The following ID4 variants were observed in gnomAD, a reference collection of about 807,000 sequenced individuals.
ID4 encodes the protein inhibitor of DNA binding 4.
In ID4, 9 loss-of-function variants were observed where a neutral mutation model predicts 8.6. The ratio of observed to expected loss-of-function variants is 1.04; its 90% CI spans 0.63 to 1.82. The LOEUF is 1.82. Among genes scored for constraint, ID4 ranks in the 40% most tolerant of loss-of-function variants. The pLI is 0.00. For synonymous variants in ID4, 180 were observed against 118.0 expected (o/e 1.53, Z -3.41); for missense variants, 270 against 235.1 (o/e 1.15, Z -0.97).
At position 19,838,164 on chromosome 6, in the gene ID4, G is replaced by A. The variant is rs1445373846; in HGVS notation, c.410G>A (p.Arg137Gln). 2 of 1,507,670 alleles carry A rather than the reference G, an allele frequency of 1.3e-6. No individual in the cohort carries two copies. The highest frequency in any genetic ancestry group is 2.7e-5 in the East Asian group (1 of 37,488). The allele number at this position is 1,507,670 out of a possible 1,614,324, so 93.4% of individuals were successfully genotyped here. A position where few individuals can be genotyped will look rare whatever the true frequency, so the allele number is the denominator to read the frequency against. Residue 137 changes from arginine to glutamine, a missense_variant, in exon 1 of 3, where the codon CGG becomes CAG. Transcript: ENST00000378700. ...GGGACCTGTCCAGCCGCGCCGCCGCGGACCCCGCTCACTGCGCTCAACACC... is the reference window on the plus strand; with the variant it reads ...GGGACCTGTCCAGCCGCGCCGCCGCAGACCCCGCTCACTGCGCTCAACACC... ...PAGTCPAAPP[R>Q]TPLTALNTDP...
Position 19,840,260 on chromosome 6 carries a change from G to C in ID4, c.*1065G>C, listed in dbSNP as rs892062516. 3 of 152,400 alleles carry C rather than the reference G, an allele frequency of 2.0e-5. No individual in the cohort carries two copies. The highest frequency in any genetic ancestry group is 1.5e-5 in the Non-Finnish European group (1 of 67,970). 9.4% of individuals were successfully genotyped at this position (152,400 alleles called of 1,614,324 possible). On this transcript the variant is annotated 3_prime_UTR_variant, in exon 3 of 3. Transcript: ENST00000378700. ...ATGCTTGGATCCTTAAGGAGTTTAC[G>C]AAATCTGCTGTTTTATCAAAGTGAA...
chr6:19,842,013 C>T lies in ID4; in HGVS notation c.*2818C>T, dbSNP rs1761367356. ...CAAAATCCTGACATCTCAGACATCTCAATGTTAAAGGAAGAAAAAAAATAC... is the reference window on the plus strand; with the variant it reads ...CAAAATCCTGACATCTCAGACATCTTAATGTTAAAGGAAGAAAAAAAATAC... On this transcript the variant is annotated 3_prime_UTR_variant, in exon 3 of 3. Coordinates refer to ENST00000378700, the MANE Select transcript of ID4 (RefSeq NM_001546.4). Among the ~76,000 whole-genome samples, 1 of 152,232 alleles carries T rather than the reference C, an allele frequency of 6.6e-6. No homozygotes were observed. The highest frequency in any genetic ancestry group is 1.9e-4 in the East Asian group (1 of 5,188).
Position 19,842,068 on chromosome 6 carries a change from G to C in ID4, c.*2873G>C, listed in dbSNP as rs1761368699. Among the ~76,000 whole-genome samples, 1 of 152,188 alleles carries C rather than the reference G, an allele frequency of 6.6e-6. No individual in the cohort carries two copies. Among genetic ancestry groups the C allele is most frequent in the Non-Finnish European group, 1.5e-5 (1 of 68,020 alleles). ...TCATTTCAAAGAACTAATATACTTT[G>C]ATATTGTGTAAACCTTACTCAAGTT... On this transcript the variant is annotated 3_prime_UTR_variant, in exon 3 of 3. Transcript: ENST00000378700.
rs1201888141 is a variant in ID4, at chr6:19,839,835, GTGTT to G, written c.*642_*645del. ...ATATTTTTTTGTAAATATTATGTGT[GTGTT>G]TTTTTTTAATCTATGGGAATATTTC... is the stretch of plus-strand genomic sequence containing the variant. On this transcript the variant is annotated 3_prime_UTR_variant, in exon 3 of 3. Transcript: ENST00000378700. 2.0e-5 allele frequency: 3 copies of G among 151,766 alleles called. No homozygotes were observed. The highest frequency in any genetic ancestry group is 2.9e-5 in the Non-Finnish European group (2 of 67,906). 9.4% of individuals were successfully genotyped at this position (151,766 alleles called of 1,614,324 possible).
rs776228384 is a variant in ID4 at position 19,838,064 on chromosome 6, C to T, written c.310C>T (p.Leu104=). The change falls in exon 1 of 3, where the codon CTG becomes TTG. Residue 104 remains leucine (L), a synonymous_variant. Coordinates refer to ENST00000378700, the MANE Select transcript of ID4 (RefSeq NM_001546.4). The part of the protein sequence containing the change: ...LQHVIDYILD[L]QLALETHPAL... ...GCACGTTATCGACTACATCCTGGAC[C>T]TGCAGCTGGCGCTGGAGACGCACCC... The T allele has an allele frequency of 3.1e-6, 5 of 1,606,964 alleles. No homozygotes were observed. Among genetic ancestry groups the T allele is most frequent in the Admixed American group, 1.7e-5 (1 of 59,406 alleles).
chr6:19,838,503 T>C (rs1048906461), intron 1 of ID4, 81 bp from the exon 2 acceptor site: 2 of 1,585,474 alleles, frequency 1.3e-6, no homozygotes, highest in East Asian at 4.5e-5. Context: ...CCAGCCTGAT[T>C]TCCGAGGACA....
chr6:19,837,414 G>A lies in ID4; in HGVS notation c.-341G>A, dbSNP rs1393543195. Reference sequence around the variant, plus strand: ...CGCGGTTGTGAGTAGTACCGGGAGTGGGGTGATCCCGGGCTAGGGGAGCGC... The same window carrying A: ...CGCGGTTGTGAGTAGTACCGGGAGTAGGGTGATCCCGGGCTAGGGGAGCGC... On this transcript the variant is annotated 5_prime_UTR_variant, in exon 1 of 3. Transcript: ENST00000378700. 1 of 154,690 alleles carries A rather than the reference G, an allele frequency of 6.5e-6. No individual in the cohort carries two copies. The highest frequency in any genetic ancestry group is 1.9e-4 in the East Asian group (1 of 5,264). 9.6% of individuals were successfully genotyped at this position (154,690 alleles called of 1,614,324 possible).
At chr6:19,838,879 G>GT in intron 2 of ID4, 3 of 554,916 alleles carry the variant, frequency 5.4e-6, no homozygotes, top group South Asian at 4.3e-5. Flanking sequence ...CCGTCCCCGT[G>GT]TTTTTTCTGG....
Position 19,837,698 on chromosome 6 carries a change from C to A in ID4, c.-57C>A. On this transcript the variant is annotated 5_prime_UTR_variant, in exon 1 of 3. Transcript: ENST00000378700. ...GGCCGCGGACGGGGCCCGGAGCTTG[C>A]CTGCCTCCCTCGCTCGCCCCAGCGG... 1 of 1,067,500 alleles carries A rather than the reference C, an allele frequency of 9.4e-7. No homozygotes were observed. The allele number at this position is 1,067,500 out of a possible 1,614,324, so 66.1% of individuals were successfully genotyped here.
Position 19,838,000 on chromosome 6 carries a change from C to T in ID4, c.246C>T (p.Ile82=), listed in dbSNP as rs752502746. 2 of 1,601,914 alleles carry T rather than the reference C, an allele frequency of 1.2e-6. No homozygotes were observed. The highest frequency in any genetic ancestry group is 2.3e-5 in the East Asian group (1 of 44,134). Reference sequence around the variant, plus strand: ...GCCTGCGGAGGCTGGTGCCCACCATCCCGCCCAACAAGAAAGTCAGCAAAG... The same window carrying T: ...GCCTGCGGAGGCTGGTGCCCACCATTCCGCCCAACAAGAAAGTCAGCAAAG... ...YSRLRRLVPT[I]PPNKKVSKVE... is the part of the protein sequence containing the mutation. Residue 82 remains isoleucine, a synonymous_variant, in exon 1 of 3, where the codon ATC becomes ATT. Transcript: ENST00000378700.
At position 19,837,975 on chromosome 6, in the gene ID4, G is replaced by A; in HGVS notation, c.221G>A (p.Arg74His). 6.3e-7 allele frequency: 1 copy of A among 1,587,840 alleles called. No homozygotes were observed. Among genetic ancestry groups the A allele is most frequent in the Non-Finnish European group, 8.6e-7 (1 of 1,167,536 alleles). Residue 74 changes from arginine (R) to histidine (H), a missense_variant, in exon 1 of 3, where the codon CGC becomes CAC. Physicochemically the swap from Arg to His is conservative, Grantham distance 29 (BLOSUM62 0). Transcript: ENST00000378700. ...TGCGATATGAACGACTGCTATAGCC[G>A]CCTGCGGAGGCTGGTGCCCACCATC... ...LQCDMNDCYS[R>H]LRRLVPTIPP... is the part of the protein sequence containing the mutation.
rs1761313311 is a variant in ID4 at position 19,839,589 on chromosome 6, T to G, written c.*394T>G. On this transcript the variant is annotated 3_prime_UTR_variant, in exon 3 of 3. Transcript: ENST00000378700. ...GGAGCTCAATTTTTGTTTTGAAGCT[T>G]TACTAATCTACCAGAGCATTGTAGA... 6.6e-6 allele frequency: 1 copy of G among 152,150 alleles called. No homozygotes were observed. The highest frequency in any genetic ancestry group is 1.9e-4 in the East Asian group (1 of 5,142). The allele number at this position is 152,150 out of a possible 1,614,324, so 9.4% of individuals were successfully genotyped here.
At chr6:19,838,486 C>G (rs1761279697) in intron 1 of ID4, 98 bp from the exon 2 acceptor site, 1 of 1,530,146 alleles carries the variant, frequency 6.5e-7, no homozygotes, top group African/African-American at 1.4e-5. Context: ...GTGGGGGCGT[C>G]GGCGCGCCAG....
Position 19,839,934 on chromosome 6 carries a change from G to A in ID4, c.*739G>A, listed in dbSNP as rs2113467357. 6.6e-6 allele frequency: 1 copy of A among 151,934 alleles called. No homozygotes were observed. 9.4% of individuals were successfully genotyped at this position (151,934 alleles called of 1,614,324 possible). On this transcript the variant is annotated 3_prime_UTR_variant, in exon 3 of 3. Coordinates refer to ENST00000378700, the MANE Select transcript of ID4 (RefSeq NM_001546.4). ...CTTGAATGTCTTTTCTGTTTGGCCT[G>A]GCTCTTAATTTGCTTTTGTTTTGCC...
chr6:19,840,673 C>A lies in ID4; in HGVS notation c.*1478C>A, dbSNP rs542422665. 1 of 152,364 alleles carries A rather than the reference C, an allele frequency of 6.6e-6. No homozygotes were observed. Among genetic ancestry groups the A allele is most frequent in the African/African-American group, 2.4e-5 (1 of 41,434 alleles). 9.4% of individuals were successfully genotyped at this position (152,364 alleles called of 1,614,324 possible). A position where few individuals can be genotyped will look rare whatever the true frequency, so the allele number is the denominator to read the frequency against. On this transcript the variant is annotated 3_prime_UTR_variant, in exon 3 of 3. Coordinates refer to ENST00000378700, the MANE Select transcript of ID4 (RefSeq NM_001546.4). ...TACATGTGAATATTAAAGTAGATTT[C>A]TCTGTCTTGTACTGTGATTTCTGGT...
At chr6:19,838,715 C>T in intron 2 of ID4, 73 bp downstream of exon 2, 1 of 1,363,660 alleles carries the variant, frequency 7.3e-7, no homozygotes, top group South Asian at 1.2e-5. Flanking sequence ...CGGGGCCAGG[C>T]ACCGCGGTGT....
chr6:19,838,387 A>G (rs1741929683), intron 1 of ID4, among the ~76,000 whole-genome samples, 192 bp downstream of exon 1: 1 of 152,000 alleles, frequency 6.6e-6, no homozygotes, highest in Non-Finnish European at 1.5e-5. Context: ...GGTCCGGGAG[A>G]ACGCGCAGGG....
chr6:19,838,915 C>T, intron 2 of ID4: 2 of 513,982 alleles, frequency 3.9e-6, no homozygotes, highest in South Asian at 2.2e-5. Flanking sequence ...TCTGCCTTCC[C>T]TAGTTCCCGA....
At position 19,837,874 on chromosome 6, in the gene ID4, CGCGGCG is replaced by C. The variant is rs537169414; in HGVS notation, c.135_140del (p.Ala47_Ala48del). ...GCCACAGCCTGGGTGGCTCCGCAGC[CGCGGCG>C]GCGGCGGCGGCGGCAGCGCGCTGTA... On this transcript the variant is annotated inframe_deletion, in exon 1 of 3. Transcript: ENST00000378700. 2.9e-4 allele frequency: 372 copies of C among 1,277,018 alleles called. No individual in the cohort carries two copies. The highest frequency in any genetic ancestry group is 9.5e-4 in the South Asian group (36 of 38,092). The allele number at this position is 1,277,018 out of a possible 1,614,324, so 79.1% of individuals were successfully genotyped here. A position where few individuals can be genotyped will look rare whatever the true frequency, so the allele number is the denominator to read the frequency against.
Sources: allele counts gnomAD v4.1 joint callset (sites outside exome capture counted in the v4.1 genomes callset), GRCh38; gene constraint gnomAD v4.1.1; transcripts MANE v1.5; gene names NCBI Gene and HGNC (gene_info 2026-07-23, HGNC 2026-07-21).